Variants in HTRA1 observed in about 807,000 individuals in gnomAD.
HTRA1 encodes serine protease HTRA1.
HTRA1 carries 26 observed loss-of-function variants against 49.7 expected under a neutral mutation model. The ratio of observed to expected loss-of-function variants is 0.52; its 90% CI spans 0.38 to 0.73. HTRA1 has a LOEUF of 0.73. Ranked by LOEUF, HTRA1 falls within the 30% of genes least tolerant of loss-of-function variation. HTRA1 has a pLI of 0.00. For missense variants in HTRA1, 561 were observed against 667.2 expected (o/e 0.84, Z 1.75); for synonymous variants, 291 against 286.9 (o/e 1.01, Z -0.14).
chr10:122,464,881 A>G lies in HTRA1; in HGVS notation c.472+2757A>G, dbSNP rs1256338881. The stretch of plus-strand genomic sequence containing the variant: ...GAGCCTTTTCTAGGGGTGCCACTTG[A>G]CTAGAGGCCTGGAGTTGGAGCAAGT... On this transcript the variant is annotated intron_variant, in intron 1 of 8. Transcript: ENST00000368984. This position sits in a 1 kb window ranked among gnomAD's most constrained non-coding sequence, Gnocchi z 4.8. Among the ~76,000 whole-genome samples, 2 of 152,140 alleles carry G rather than the reference A, an allele frequency of 1.3e-5. No homozygotes were observed. The highest frequency in any genetic ancestry group is 1.9e-4 in the East Asian group (1 of 5,178).
chr10:122,496,014 C>T (rs923374185), intron 3 of HTRA1, among the ~76,000 whole-genome samples: 26 of 152,046 alleles, frequency 1.7e-4, no homozygotes, highest in African/African-American at 4.6e-4. Flanking sequence ...CCACGTGGCC[C>T]GTGAAGCCAA....
chr10:122,477,625 T>C (rs2901309), intron 1 of HTRA1, among the ~76,000 whole-genome samples: 6 of 152,174 alleles, frequency 3.9e-5, no homozygotes, highest in African/African-American at 1.4e-4. Flanking sequence ...AGTTTCTGAC[T>C]GGTGTCTAGC....
chr10:122,491,202 G>T (rs551946743), intron 3 of HTRA1, among the ~76,000 whole-genome samples: 1 of 152,184 alleles, frequency 6.6e-6, no homozygotes, highest in South Asian at 2.1e-4. Context: ...GGGGCTCAGA[G>T]AAGTCTAGTA....
rs587776446 is a variant in HTRA1 at position 122,506,767 on chromosome 10, C to T, written c.854C>T (p.Pro285Leu). ...GAGTTCGTGGTCGCCATCGGAAGCC[C>T]GTTTTCCCTTCAAAACACAGTCACC... ...PGEFVVAIGSPFSLQNTVTTG... is the reference protein window; with the variant it reads ...PGEFVVAIGSLFSLQNTVTTG... The change falls in exon 4 of 9, where the codon CCG (proline) becomes CTG (leucine). Residue 285 changes from proline to leucine, a missense_variant. Coordinates refer to ENST00000368984, the MANE Select transcript of HTRA1 (RefSeq NM_002775.5). This position sits in a 1 kb window ranked among gnomAD's most constrained non-coding sequence, Gnocchi z 5.2. The T allele has an allele frequency of 6.2e-7, 1 of 1,613,922 alleles. No homozygotes were observed. The highest frequency in any genetic ancestry group is 2.2e-5 in the East Asian group (1 of 44,872).
chr10:122,506,751 G>A lies in HTRA1; in HGVS notation c.838G>A (p.Val280Ile), dbSNP rs369288715. The change falls in exon 4 of 9, where the codon GTC becomes ATC. Residue 280 changes from valine to isoleucine, a missense_variant. By Grantham distance (29) the Val-to-Ile change is conservative. Transcript: ENST00000368984. The surrounding 1 kb of genome is among the most constrained non-coding windows in gnomAD (Gnocchi z 5.2). ...AGAGCTGCGGCCGGGAGAGTTCGTG[G>A]TCGCCATCGGAAGCCCGTTTTCCCT... The part of the protein sequence containing the change: ...SSELRPGEFV[V>I]AIGSPFSLQN... 9.3e-6 allele frequency: 15 copies of A among 1,613,682 alleles called. No individual in the cohort carries two copies. The African/African-American group carries it at 1.9e-4, about 20-fold the overall frequency.
At chr10:122,514,083 G>A (rs2097506851) in intron 8 of HTRA1, 108 bp from the exon 9 acceptor site, 2 of 1,126,694 alleles carry the variant, frequency 1.8e-6, no homozygotes, top group Non-Finnish European at 1.4e-6. Flanking sequence ...GTCCAATCCT[G>A]TTTGCTCTGG....
intron 1 of HTRA1, among the ~76,000 whole-genome samples, chr10:122,466,039 T>A (rs951072924): frequency 1.3e-5 from 2 of 151,742 alleles, no homozygotes; most frequent in Non-Finnish European, 2.9e-5. Context: ...CCCCTGGAGG[T>A]TTTTAGGATC....
intron 1 of HTRA1, among the ~76,000 whole-genome samples, chr10:122,483,687 A>G (rs920707843): frequency 1.3e-5 from 2 of 152,242 alleles, no homozygotes; most frequent in African/African-American, 4.8e-5. Flanking sequence ...TAGCTTAACA[A>G]TAGTGAATCT....
chr10:122,491,418 G>T (rs192850564), intron 3 of HTRA1, among the ~76,000 whole-genome samples: 97 of 152,372 alleles, frequency 6.4e-4, no homozygotes, highest in African/African-American at 2.2e-3. Flanking sequence ...GAAGGAGCCA[G>T]TCAGAATAGC....
intron 1 of HTRA1, among the ~76,000 whole-genome samples, 181 bp from the exon 2 acceptor site, chr10:122,488,721 G>A (rs2097494221): frequency 6.6e-6 from 1 of 152,208 alleles, no homozygotes; most frequent in Non-Finnish European, 1.5e-5. Flanking sequence ...TTACCTGGGT[G>A]GGCACTCCCT....
Position 122,508,726 on chromosome 10 carries a change from AG to A in HTRA1, c.1077del (p.Ile360LeufsTer28). ...AGISFAIPSD[K>X]IKKFLTESHD... The stretch of plus-strand genomic sequence containing the variant: ...ATCTCCTTTGCAATCCCATCTGATA[AG>A]ATTAAAAAGTTCCTCACGGAGTCCC... On this transcript the variant is annotated frameshift_variant, in exon 6 of 9. Coordinates refer to ENST00000368984, the MANE Select transcript of HTRA1 (RefSeq NM_002775.5). LOFTEE classifies it high-confidence loss of function. 1 of 1,613,982 alleles carries A rather than the reference AG, an allele frequency of 6.2e-7. No homozygotes were observed. The highest frequency in any genetic ancestry group is 8.5e-7 in the Non-Finnish European group (1 of 1,179,816).
intron 3 of HTRA1, among the ~76,000 whole-genome samples, chr10:122,502,382 T>TTA (rs2133446297): frequency 6.6e-6 from 1 of 152,272 alleles, no homozygotes; most frequent in East Asian, 1.9e-4. Context: ...TTCCAAGGTG[T>TTA]TAGCATTACT....
Position 122,461,609 on chromosome 10 carries a change from C to A in HTRA1, c.-44C>A. On this transcript the variant is annotated 5_prime_UTR_variant, in exon 1 of 9. Coordinates refer to ENST00000368984, the MANE Select transcript of HTRA1 (RefSeq NM_002775.5). ...CACTCTCCCCGGCGCCGCTCTCCGG[C>A]CCTCGCCCTGTCCGCCGCCACCGCC... is the stretch of plus-strand genomic sequence containing the variant. 1.6e-6 allele frequency: 2 copies of A among 1,214,768 alleles called. No homozygotes were observed. Among genetic ancestry groups the A allele is most frequent in the African/African-American group, 1.6e-5 (1 of 60,918 alleles). The allele number at this position is 1,214,768 out of a possible 1,614,324, so 75.2% of individuals were successfully genotyped here. A position where few individuals can be genotyped will look rare whatever the true frequency, so the allele number is the denominator to read the frequency against.
chr10:122,478,392 A>ATTTTTTTTTTTTTTTTTTTTTTTTTTT lies in HTRA1; in HGVS notation c.473-10492_473-10491insTTTTTTTTTTTTTTTTTTTTTTTTTTT, dbSNP rs34977432. Among the ~76,000 whole-genome samples the ATTTTTTTTTTTTTTTTTTTTTTTTTTT allele has an allele frequency of 1.7e-5, 2 of 119,102 alleles. 1 individual carries two copies. The highest frequency in any genetic ancestry group is 3.3e-5 in the Non-Finnish European group (2 of 60,604). The allele number at this position is 119,102 out of a possible 152,430, so 78.1% of individuals were successfully genotyped here. On this transcript the variant is annotated intron_variant, in intron 1 of 8. Coordinates refer to ENST00000368984, the MANE Select transcript of HTRA1 (RefSeq NM_002775.5). ...GCTCCTGGGCTCCTGAGTTTGACAG[A>ATTTTTTTTTTTTTTTTTTTTTTTTTTT]TTTTTTTTTTTTTTTTTTGAGACGG...
chr10:122,480,229 T>C (rs2097490399), intron 1 of HTRA1, among the ~76,000 whole-genome samples: 1 of 152,044 alleles, frequency 6.6e-6, no homozygotes, highest in Non-Finnish European at 1.5e-5. Flanking sequence ...AGGTGTGACC[T>C]TTCTTAGTGT....
chr10:122,489,141 AG>A (rs1187667446), intron 2 of HTRA1, 140 bp downstream of exon 2: 5 of 751,866 alleles, frequency 6.7e-6, no homozygotes, highest in Non-Finnish European at 9.5e-6. Context: ...TGTCTCCCTT[AG>A]AACATTTTCC....
intron 1 of HTRA1, among the ~76,000 whole-genome samples, chr10:122,482,083 A>G (rs758846630): frequency 1.4e-4 from 22 of 152,194 alleles, no homozygotes; most frequent in Non-Finnish European, 3.2e-4. Context: ...AGTTCCATTT[A>G]TCAATTAGTG....
intron 1 of HTRA1, among the ~76,000 whole-genome samples, chr10:122,463,647 G>A (rs1013672658): frequency 1.3e-5 from 2 of 152,182 alleles, no homozygotes; most frequent in African/African-American, 4.8e-5. Flanking sequence ...GACTACAGGC[G>A]GATGCCACCA....
chr10:122,503,179 T>C (rs1287600866), intron 3 of HTRA1, among the ~76,000 whole-genome samples: 1 of 152,220 alleles, frequency 6.6e-6, no homozygotes, highest in Non-Finnish European at 1.5e-5. Context: ...TCAGAGTGCG[T>C]GGGCCCCGCG....
Sources: gnomAD v4.1 joint callset for allele counts (sites outside exome capture counted in the v4.1 genomes callset) on GRCh38, gnomAD v4.1.1 for gene constraint, Gnocchi (gnomAD v3.1) non-coding constraint, MANE v1.5 for transcripts, NCBI Gene and HGNC (gene_info 2026-07-23, HGNC 2026-07-21) for gene names.